The following GLT1D1 variants were observed in gnomAD, a reference collection of about 807,000 sequenced individuals.
GLT1D1 encodes the protein glycosyltransferase 1 domain-containing protein 1.
Under a neutral mutation model 28.7 loss-of-function variants are expected in GLT1D1, and 21 were observed. That is an observed-to-expected ratio of 0.73 (90% CI 0.52 to 1.05). GLT1D1 has a LOEUF of 1.05. Ranked by LOEUF, GLT1D1 falls within the 50% of genes least tolerant of loss-of-function variation. The probability of loss-of-function intolerance (pLI) is 0.00; values close to 1 mark genes in which losing one functional copy is unlikely to be tolerated. For synonymous variants in GLT1D1, 147 were observed against 124.8 expected (o/e 1.18, Z -1.19); for missense variants, 343 against 330.6 (o/e 1.04, Z -0.29).
At chr12:128,969,477 G>A (rs754881781) in intron 7 of GLT1D1, among the ~76,000 whole-genome samples, 52 of 152,324 alleles carry the variant, frequency 3.4e-4, no homozygotes, top group South Asian at 1.2e-3. Flanking sequence ...TGACTGTGCA[G>A]CCCCTAGGGC....
intron 6 of GLT1D1, among the ~76,000 whole-genome samples, chr12:128,948,119 G>T: frequency 6.6e-6 from 1 of 152,142 alleles, no homozygotes; most frequent in East Asian, 1.9e-4. Context: ...GCAGGCCCTG[G>T]CTGGGCTGTG....
At chr12:128,970,331 C>G (rs559649898) in intron 7 of GLT1D1, among the ~76,000 whole-genome samples, 1 of 152,214 alleles carries the variant, frequency 6.6e-6, no homozygotes, top group Non-Finnish European at 1.5e-5. Context: ...TCCCCTGAGC[C>G]CCACTTCCCA....
intron 4 of GLT1D1, among the ~76,000 whole-genome samples, chr12:128,921,918 CTT>C (rs5801829): frequency 3.5e-5 from 5 of 143,836 alleles, no homozygotes; most frequent in Non-Finnish European, 3.0e-5. Flanking sequence ...TTGACATTTA[CTT>C]TTTTTTTTTT....
chr12:128,942,939 G>A (rs1875518980), intron 4 of GLT1D1, among the ~76,000 whole-genome samples: 2 of 151,884 alleles, frequency 1.3e-5, no homozygotes, highest in East Asian at 1.9e-4. Context: ...AGTAGAGACG[G>A]GGTTTCACCA....
At position 128,983,790 on chromosome 12, in the gene GLT1D1, C is replaced by T. The variant is rs1880550199; in HGVS notation, c.*700C>T. On this transcript the variant is annotated 3_prime_UTR_variant, in exon 8 of 8. Coordinates refer to ENST00000281703, the MANE Select transcript of GLT1D1 (RefSeq NM_144669.3). This position sits in a 1 kb window ranked among gnomAD's most constrained non-coding sequence, Gnocchi z 4.7. ...ACGTCACGCATAGCCTGCAAATCGC[C>T]CGCGTGACCCTGAGATGGAGGCCTG... is the stretch of plus-strand genomic sequence containing the variant. The T allele has an allele frequency of 1.3e-5, 2 of 152,238 alleles. No homozygotes were observed. Among genetic ancestry groups the T allele is most frequent in the Admixed American group, 1.3e-4 (2 of 15,280 alleles). The allele number at this position is 152,238 out of a possible 1,614,324, so 9.4% of individuals were successfully genotyped here. A position where few individuals can be genotyped will look rare whatever the true frequency, so the allele number is the denominator to read the frequency against.
At chr12:128,882,966 G>A (rs898354479) in intron 2 of GLT1D1, among the ~76,000 whole-genome samples, 3 of 149,960 alleles carry the variant, frequency 2.0e-5, no homozygotes, top group East Asian at 2.0e-4. Context: ...TCACTCTGTC[G>A]CCAGGCTGTA....
At chr12:128,934,021 G>A (rs763932553) in intron 4 of GLT1D1, among the ~76,000 whole-genome samples, 4 of 152,010 alleles carry the variant, frequency 2.6e-5, no homozygotes, top group Non-Finnish European at 4.4e-5. Flanking sequence ...CGTGACATCC[G>A]ACGGGAGTGC....
At chr12:128,892,383 G>T (rs937925853) in intron 3 of GLT1D1, among the ~76,000 whole-genome samples, 1 of 152,084 alleles carries the variant, frequency 6.6e-6, no homozygotes, top group South Asian at 2.1e-4. Flanking sequence ...TTTATTACAG[G>T]TTTTCTTATT....
chr12:128,926,413 G>A (rs758751492), intron 4 of GLT1D1: 5 of 1,531,990 alleles, frequency 3.3e-6, no homozygotes, highest in South Asian at 2.4e-5. Context: ...TGTGGACTTC[G>A]ACAAGTTAAG....
At chr12:128,898,125 TTCTTCTTCCTCTTCC>T (rs1225756806) in intron 3 of GLT1D1, among the ~76,000 whole-genome samples, 1 of 152,154 alleles carries the variant, frequency 6.6e-6, no homozygotes, top group Non-Finnish European at 1.5e-5. Flanking sequence ...TGAATTCTTC[TTCTTCTTCCTCTTCC>T]TCTTCTTCCT....
intron 6 of GLT1D1, among the ~76,000 whole-genome samples, chr12:128,951,694 G>A (rs780561928): frequency 6.6e-6 from 1 of 152,180 alleles, no homozygotes; most frequent in Non-Finnish European, 1.5e-5. Context: ...TCTGTGCACT[G>A]TCCGCCCAGG....
At chr12:128,924,606 G>A (rs1253556249) in intron 4 of GLT1D1, among the ~76,000 whole-genome samples, 5 of 151,662 alleles carry the variant, frequency 3.3e-5, no homozygotes, top group African/African-American at 7.3e-5. Flanking sequence ...ACAGGCCCCC[G>A]CCACCACGCC....
intron 2 of GLT1D1, among the ~76,000 whole-genome samples, chr12:128,885,995 A>T (rs866875625): frequency 2.0e-4 from 31 of 152,156 alleles, no homozygotes; most frequent in African/African-American, 5.6e-4. Flanking sequence ...AAGTAATTGA[A>T]TCATGGAGGT....
In GLT1D1 at chr12:128,908,811, T is replaced by C. The variant is rs528876122; in HGVS notation, c.375+9524T>C. On this transcript the variant is annotated intron_variant, in intron 4 of 7. Coordinates refer to ENST00000281703, the MANE Select transcript of GLT1D1 (RefSeq NM_144669.3). The stretch of plus-strand genomic sequence containing the variant: ...AAAAATACAAAAAATTAGCCGGGCG[T>C]GGTGACGGGCGCCTGTAGTCCCAGC... 1.9e-4 allele frequency among the ~76,000 whole-genome samples: 29 copies of C among 152,068 alleles called. No homozygotes were observed. The East Asian group carries it at 4.3e-3, about 22-fold the overall frequency.
chr12:128,927,215 T>G (rs12827349), intron 4 of GLT1D1, 61 bp downstream of exon 8: 1 of 1,237,864 alleles, frequency 8.1e-7, no homozygotes, highest in Non-Finnish European at 1.1e-6. Flanking sequence ...ACTTTTTATG[T>G]ATTTTCTACA....
Position 128,853,571 on chromosome 12 carries a change from G to A in GLT1D1, c.-11G>A, listed in dbSNP as rs1468620390. The A allele has an allele frequency of 9.0e-7, 1 of 1,108,290 alleles. No individual in the cohort carries two copies. Among genetic ancestry groups the A allele is most frequent in the African/African-American group, 1.7e-5 (1 of 59,670 alleles). The allele number at this position is 1,108,290 out of a possible 1,614,324, so 68.7% of individuals were successfully genotyped here. On this transcript the variant is annotated 5_prime_UTR_variant, in exon 1 of 8. Transcript: ENST00000281703. ...GCGGGGCCGGTCGATGGCCCGGGCG[G>A]CGGCGGCGGCATGCGGCTCCTGTTC...
chr12:128,943,745 T>G (rs113378137), intron 4 of GLT1D1, among the ~76,000 whole-genome samples: 52 of 152,364 alleles, frequency 3.4e-4, no homozygotes, highest in African/African-American at 1.2e-3. Flanking sequence ...CATTTCTTAG[T>G]AGCAGAGGAT....
chr12:128,965,078 T>A (rs1383596636), intron 7 of GLT1D1, among the ~76,000 whole-genome samples: 1 of 152,230 alleles, frequency 6.6e-6, no homozygotes, highest in Non-Finnish European at 1.5e-5. Flanking sequence ...TCGGCTGTTA[T>A]GGTAGGCTAC....
intron 2 of GLT1D1, among the ~76,000 whole-genome samples, chr12:128,879,914 A>G (rs1165993118): frequency 6.6e-6 from 1 of 152,240 alleles, no homozygotes; most frequent in Non-Finnish European, 1.5e-5. Context: ...TTCCACTGTG[A>G]CAATGCACCA....
Sources: allele counts gnomAD v4.1 joint callset (sites outside exome capture counted in the v4.1 genomes callset), GRCh38; gene constraint gnomAD v4.1.1; non-coding constraint Gnocchi (gnomAD v3.1); transcripts MANE v1.5; gene names NCBI Gene and HGNC (gene_info 2026-07-23, HGNC 2026-07-21).